NDUFAF2: variants seen among roughly 807,000 people sequenced by gnomAD.
NDUFAF2 encodes the protein NADH:ubiquinone oxidoreductase complex assembly factor 2, also known as NADH dehydrogenase [ubiquinone] 1 alpha subcomplex assembly factor 2.
A neutral mutation model predicts 22.8 loss-of-function variants in NDUFAF2; 13 were observed. That is an observed-to-expected ratio of 0.57 (90% CI 0.37 to 0.91). The LOEUF is 0.91. Ranked by LOEUF, NDUFAF2 falls within the 40% of genes least tolerant of loss-of-function variation. The probability of loss-of-function intolerance (pLI) is 0.01; values close to 1 mark genes in which losing one functional copy is unlikely to be tolerated. For missense variants in NDUFAF2, 162 were observed against 195.2 expected, an observed-to-expected ratio of 0.83 and a Z score of 1.01; for synonymous variants, 53 against 64.2, an observed-to-expected ratio of 0.83 and a Z score of 0.84.
chr5:61,024,526 T>A (rs1306403530), intron 1 of NDUFAF2, among the ~76,000 whole-genome samples: 1 of 152,046 alleles, frequency 6.6e-6, no homozygotes, highest in African/African-American at 2.4e-5. Flanking sequence ...GACACGTCAT[T>A]TTCATTCTAA....
At chr5:61,032,917 G>T (rs1266481737) in intron 1 of NDUFAF2, among the ~76,000 whole-genome samples, 1 of 151,880 alleles carries the variant, frequency 6.6e-6, no homozygotes. Context: ...ACTAATTTAC[G>T]CTCCCACCAA....
At chr5:61,130,104 T>TA (rs1233313285) in intron 3 of NDUFAF2, among the ~76,000 whole-genome samples, 2 of 152,092 alleles carry the variant, frequency 1.3e-5, no homozygotes, top group African/African-American at 4.8e-5. Flanking sequence ...TGATGTCTTT[T>TA]AAAAAAATGG....
chr5:61,116,497 C>T (rs1278951331), intron 3 of NDUFAF2: 1 of 152,030 alleles, frequency 6.6e-6, no homozygotes, highest in Admixed American at 6.6e-5. Flanking sequence ...ACCTTCTATT[C>T]AATTTCCTGT....
At chr5:61,003,650 T>TTG (rs888451290) in intron 1 of NDUFAF2, among the ~76,000 whole-genome samples, 1 of 149,144 alleles carries the variant, frequency 6.7e-6, no homozygotes, top group African/African-American at 2.5e-5. Flanking sequence ...CTATACTTTT[T>TTG]TTTTTTTTTT....
At chr5:60,961,121 G>T (rs1012122776) in intron 1 of NDUFAF2, among the ~76,000 whole-genome samples, 3 of 152,094 alleles carry the variant, frequency 2.0e-5, no homozygotes, top group African/African-American at 7.2e-5. Context: ...AGTTCGATTT[G>T]CTCTTTATGT....
At chr5:61,070,628 C>CAT (rs9291705) in intron 1 of NDUFAF2, among the ~76,000 whole-genome samples, 1 of 151,300 alleles carries the variant, frequency 6.6e-6, no homozygotes, top group African/African-American at 2.4e-5. Flanking sequence ...CACACACACA[C>CAT]GCACTCACAT....
At chr5:61,056,288 G>A (rs1752086251) in intron 1 of NDUFAF2, among the ~76,000 whole-genome samples, 1 of 152,152 alleles carries the variant, frequency 6.6e-6, no homozygotes, top group African/African-American at 2.4e-5. Flanking sequence ...GTAATACCAT[G>A]TGGCATATCT....
intron 1 of NDUFAF2, among the ~76,000 whole-genome samples, chr5:61,042,844 G>A (rs979847283): frequency 3.3e-5 from 5 of 152,180 alleles, no homozygotes; most frequent in Non-Finnish European, 7.3e-5. Context: ...CATATTACCA[G>A]AGGAAAGAAG....
chr5:60,996,114 A>T (rs1407308107), intron 1 of NDUFAF2, among the ~76,000 whole-genome samples: 1 of 152,098 alleles, frequency 6.6e-6, no homozygotes, highest in Non-Finnish European at 1.5e-5. Context: ...GGGGACTCTA[A>T]GAACCTGCTT....
intron 1 of NDUFAF2, among the ~76,000 whole-genome samples, chr5:60,987,085 GA>G (rs1406272965): frequency 1.3e-5 from 2 of 151,868 alleles, no homozygotes; most frequent in African/African-American, 4.8e-5. Flanking sequence ...TTAGAATTGA[GA>G]AAGAGAATGT....
At chr5:60,959,511 TAAATC>T (rs1170102357) in intron 1 of NDUFAF2, among the ~76,000 whole-genome samples, 3 of 152,070 alleles carry the variant, frequency 2.0e-5, no homozygotes, top group African/African-American at 7.2e-5. Context: ...AAAAAAATTT[TAAATC>T]AAACATTTAG....
intron 1 of NDUFAF2, among the ~76,000 whole-genome samples, chr5:60,976,419 T>G (rs1238824899): frequency 6.6e-6 from 1 of 152,106 alleles, no homozygotes; most frequent in Admixed American, 6.5e-5. Flanking sequence ...TAAGCTAATA[T>G]TCACATATTA....
At chr5:61,072,958 A>G (rs1376089511) in intron 1 of NDUFAF2, among the ~76,000 whole-genome samples, 167 bp from the exon 2 acceptor site, 3 of 152,154 alleles carry the variant, frequency 2.0e-5, no homozygotes, top group African/African-American at 4.8e-5. Context: ...AGTAGTTTAG[A>G]ATTTGCCTTT....
At position 61,053,782 on chromosome 5, in the gene NDUFAF2, T is replaced by G. The variant is rs1442879811; in HGVS notation, c.128-19343T>G. Among the ~76,000 whole-genome samples, 3 of 152,098 alleles carry G rather than the reference T, an allele frequency of 2.0e-5. No homozygotes were observed. The East Asian group carries it at 5.8e-4, about 29-fold the overall frequency. On this transcript the variant is annotated intron_variant, in intron 1 of 3. Transcript: ENST00000296597. Reference sequence around the variant, plus strand: ...TCAGAATACAATATGGTTAGGTTTTTAAAATTAATATAGACATGAAATGAG... The same window carrying G: ...TCAGAATACAATATGGTTAGGTTTTGAAAATTAATATAGACATGAAATGAG...
rs149620850 is a variant in NDUFAF2, at chr5:61,068,151, G to A, written c.128-4974G>A. ...TATACTTTACCTCTTTCTTCCTCCCGGATCTTGAAGTTCTGCCTTAATTTG... is the reference window on the plus strand; with the variant it reads ...TATACTTTACCTCTTTCTTCCTCCCAGATCTTGAAGTTCTGCCTTAATTTG... On this transcript the variant is annotated intron_variant, in intron 1 of 3. Coordinates refer to ENST00000296597, the MANE Select transcript of NDUFAF2 (RefSeq NM_174889.5). Among the ~76,000 whole-genome samples, 210 of 151,882 alleles carry A rather than the reference G, an allele frequency of 1.4e-3. 1 individual carries two copies. The highest frequency in any genetic ancestry group is 4.9e-3 in the African/African-American group (205 of 41,432).
chr5:61,037,621 C>A (rs753975023), intron 1 of NDUFAF2, among the ~76,000 whole-genome samples: 1 of 152,152 alleles, frequency 6.6e-6, no homozygotes, highest in African/African-American at 2.4e-5. Flanking sequence ...ATTAAAAGCT[C>A]TGAAAAATCT....
At position 61,064,913 on chromosome 5, in the gene NDUFAF2, CAT is replaced by C. The variant is rs964578521; in HGVS notation, c.128-8210_128-8209del. ...TAAATCAAATAAGGAACAAAAAAAA[CAT>C]AGAGTCAATAAAACAAAGAGTTGGT... On this transcript the variant is annotated intron_variant, in intron 1 of 3. Coordinates refer to ENST00000296597, the MANE Select transcript of NDUFAF2 (RefSeq NM_174889.5). 1.2e-4 allele frequency among the ~76,000 whole-genome samples: 18 copies of C among 151,152 alleles called. No individual in the cohort carries two copies. The Middle Eastern group carries it at 0.01, about 87-fold the overall frequency.
At chr5:61,149,793 A>G (rs1741200238) in intron 3 of NDUFAF2, among the ~76,000 whole-genome samples, 1 of 152,224 alleles carries the variant, frequency 6.6e-6, no homozygotes, top group Non-Finnish European at 1.5e-5. Flanking sequence ...AAGGAAAAAT[A>G]CTTGCTTTTT....
At chr5:61,067,433 GT>G (rs1339341626) in intron 1 of NDUFAF2, among the ~76,000 whole-genome samples, 4 of 151,642 alleles carry the variant, frequency 2.6e-5, no homozygotes, top group Non-Finnish European at 5.9e-5. Context: ...CCTTGCGATA[GT>G]TTGCTGAGAA....
Sources: allele counts gnomAD v4.1 joint callset (sites outside exome capture counted in the v4.1 genomes callset), GRCh38; gene constraint gnomAD v4.1.1; transcripts MANE v1.5; gene names NCBI Gene and HGNC (gene_info 2026-07-23, HGNC 2026-07-21).